Variants in PIP5K1C observed in about 807,000 individuals in gnomAD.
The protein encoded by PIP5K1C is phosphatidylinositol-4-phosphate 5-kinase type 1 gamma.
A neutral mutation model predicts 80.1 loss-of-function variants in PIP5K1C; 45 were observed. The observed-to-expected ratio is 0.56, with a 90% CI of 0.44 to 0.72. PIP5K1C has a LOEUF of 0.72. PIP5K1C is among the 30% of genes least tolerant of loss of function. The probability of loss-of-function intolerance (pLI) is 0.00; values close to 1 mark genes in which losing one functional copy is unlikely to be tolerated. For missense variants in PIP5K1C, 753 were observed against 954.6 expected (o/e 0.79, Z 2.78); for synonymous variants, 498 against 420.1 (o/e 1.19, Z -2.27).
chr19:3,674,303 T>A (rs988145662), intron 1 of PIP5K1C: 3 of 152,270 alleles, frequency 2.0e-5, no homozygotes, highest in Admixed American at 2.0e-4. Flanking sequence ...GAAGCTTCTG[T>A]CTGGGGGTGG....
intron 6 of PIP5K1C, among the ~76,000 whole-genome samples, chr19:3,654,122 C>T (rs1189537829): frequency 6.6e-6 from 1 of 152,218 alleles, no homozygotes; most frequent in Admixed American, 6.5e-5. Flanking sequence ...CCACCTCAGC[C>T]TCCGAAAGTG....
At chr19:3,677,774 G>C (rs952297206) in intron 1 of PIP5K1C, among the ~76,000 whole-genome samples, 1 of 103,094 alleles carries the variant, frequency 9.7e-6, no homozygotes, top group African/African-American at 4.1e-5. Flanking sequence ...ATGGAGGATG[G>C]AGGGATGGAG....
At chr19:3,652,826 G>A (rs1240917743) in intron 7 of PIP5K1C, among the ~76,000 whole-genome samples, 1 of 152,126 alleles carries the variant, frequency 6.6e-6, no homozygotes, top group African/African-American at 2.4e-5. Flanking sequence ...GGGAGCTCTG[G>A]GCTTGTGACC....
intron 1 of PIP5K1C, among the ~76,000 whole-genome samples, chr19:3,695,943 C>G (rs527313809): frequency 2.6e-4 from 40 of 152,152 alleles, no homozygotes; most frequent in African/African-American, 7.5e-4. Flanking sequence ...TTGCTCCAGG[C>G]TGGTCTCAAA....
chr19:3,648,692 CG>C lies in PIP5K1C; in HGVS notation c.1143del (p.Ala382LeufsTer2). ...AGCCGCTCCCCGCGGCCGTTCACAG[CG>C]GGGATCCCGCCCATCCTGGGGAGAG... ...IESDDTMGGI[P>X]AVNGRGERLL... On this transcript the variant is annotated frameshift_variant, in exon 9 of 18. Transcript: ENST00000335312. LOFTEE classifies it high-confidence loss of function. The surrounding 1 kb of genome is among the most constrained non-coding windows in gnomAD (Gnocchi z 4.3). 6.2e-7 allele frequency: 1 copy of C among 1,612,966 alleles called. No homozygotes were observed. The highest frequency in any genetic ancestry group is 8.5e-7 in the Non-Finnish European group (1 of 1,179,848).
At chr19:3,691,757 AG>A (rs1256554288) in intron 1 of PIP5K1C, among the ~76,000 whole-genome samples, 4 of 152,298 alleles carry the variant, frequency 2.6e-5, no homozygotes, top group African/African-American at 9.6e-5. Context: ...AGAAGCATAG[AG>A]CCTTTACTGC....
intron 1 of PIP5K1C, among the ~76,000 whole-genome samples, chr19:3,676,744 C>G (rs2035371641): frequency 6.6e-6 from 1 of 152,182 alleles, no homozygotes; most frequent in Admixed American, 6.5e-5. Context: ...CGAAATTCAA[C>G]ATGAATTTCA....
Position 3,664,901 on chromosome 19 carries a change from G to C in PIP5K1C, c.140C>G (p.Thr47Arg). ...CCCATGGCCAGGGCCCGGCTGTGCC[G>C]TCATGGACAGAACCTGGGAAGAGGA... ...KAAPTEVLSMTAQPGPGHGKK... is the reference protein window; with the variant it reads ...KAAPTEVLSMRAQPGPGHGKK... The change falls in exon 3 of 18, where the codon ACG becomes AGG. Residue 47 changes from threonine (T) to arginine (R), a missense_variant. By Grantham distance (71) the Thr-to-Arg change is moderately conservative. Transcript: ENST00000335312. 1 of 1,612,884 alleles carries C rather than the reference G, an allele frequency of 6.2e-7. No homozygotes were observed. The highest frequency in any genetic ancestry group is 8.5e-7 in the Non-Finnish European group (1 of 1,179,734).
intron 11 of PIP5K1C, 23 bp from the exon 12 acceptor site, chr19:3,644,274 G>A (rs771063867): frequency 6.2e-7 from 1 of 1,607,156 alleles, no homozygotes; most frequent in South Asian, 1.1e-5. Flanking sequence ...GTGGGGGTTG[G>A]TGCTTGGGGT....
rs764142648 is a variant in PIP5K1C, at chr19:3,661,859, G to T, written c.350+12C>A. 11 of 1,610,744 alleles carry T rather than the reference G, an allele frequency of 6.8e-6. No individual in the cohort carries two copies. The highest frequency in any genetic ancestry group is 9.3e-6 in the Non-Finnish European group (11 of 1,179,928). On this transcript the variant is annotated intron_variant, in intron 4 of 17. Coordinates refer to ENST00000335312, the MANE Select transcript of PIP5K1C (RefSeq NM_012398.3). The stretch of plus-strand genomic sequence containing the variant: ...GCTGGGTGAGCCCTGAGGCTCCGGG[G>T]GCCCGGCCCACCTGGGGAAGAAGAT...
intron 5 of PIP5K1C, among the ~76,000 whole-genome samples, chr19:3,657,926 G>C (rs942920552): frequency 6.6e-6 from 1 of 152,106 alleles, no homozygotes; most frequent in African/African-American, 2.4e-5. Flanking sequence ...CAGAGCAAGA[G>C]TGTTTAAAAA....
intron 1 of PIP5K1C, among the ~76,000 whole-genome samples, chr19:3,678,410 A>G (rs1318055593): frequency 1.9e-4 from 20 of 107,038 alleles, no homozygotes; most frequent in Non-Finnish European, 1.3e-4. Flanking sequence ...ATAGAGATGG[A>G]GTGATGAAGG....
rs541871652 is a variant in PIP5K1C at position 3,681,886 on chromosome 19, G to A, written c.95-14533C>T. Among the ~76,000 whole-genome samples, 44 of 152,152 alleles carry A rather than the reference G, an allele frequency of 2.9e-4. No homozygotes were observed. In the South Asian group the frequency reaches 3.9e-3, roughly 14 times the overall value. On this transcript the variant is annotated intron_variant, in intron 1 of 17. Transcript: ENST00000335312. ...TAGCCAAACGAGCCCTGGGGCCTGC[G>A]TTTGGTCCTCTGGCCCCTCAGGCCC...
At chr19:3,638,575 A>G (rs1369177411) in intron 16 of PIP5K1C, among the ~76,000 whole-genome samples, 2 of 152,194 alleles carry the variant, frequency 1.3e-5, no homozygotes, top group Non-Finnish European at 2.9e-5. Context: ...GGTGGCACAG[A>G]AGGTGCCGTG....
At position 3,631,215 on chromosome 19, in the gene PIP5K1C, C is replaced by A. The variant is rs2033459873; in HGVS notation, c.*1952G>T. 3.3e-5 allele frequency: 5 copies of A among 152,476 alleles called. 1 individual carries two copies. The South Asian group carries it at 1.0e-3, about 32-fold the overall frequency. The allele number at this position is 152,476 out of a possible 1,614,324, so 9.4% of individuals were successfully genotyped here. A position where few individuals can be genotyped will look rare whatever the true frequency, so the allele number is the denominator to read the frequency against. On this transcript the variant is annotated 3_prime_UTR_variant, in exon 18 of 18. Transcript: ENST00000335312. The stretch of plus-strand genomic sequence containing the variant: ...ACACCTGCTGCTCCGAGTCACCCCA[C>A]AGGCTCTTGGCGTCTCTGGTGCCAG...
intron 13 of PIP5K1C, 149 bp from the exon 14 acceptor site, chr19:3,643,088 CG>C (rs1894489646): frequency 1.4e-6 from 2 of 1,456,872 alleles, no homozygotes; most frequent in Admixed American, 3.6e-5. Flanking sequence ...TTGGATGCTC[CG>C]CCCCCGCGCA....
rs754747586 is a variant in PIP5K1C, at chr19:3,643,374, G to T, written c.1518C>A (p.Pro506=). ...SYPTLEDEGR[P]DLLPCTPPSF... ...AAGGTGGCGTGCAGGGCAGGAGGTC[G>T]GGCCGGCCTGAGGGGAGAGGACTGT... Residue 506 remains proline, a synonymous_variant, in exon 13 of 18, where the codon CCC becomes CCA. Coordinates refer to ENST00000335312, the MANE Select transcript of PIP5K1C (RefSeq NM_012398.3). The T allele has an allele frequency of 1.9e-6, 3 of 1,613,478 alleles. No individual in the cohort carries two copies. Among genetic ancestry groups the T allele is most frequent in the Non-Finnish European group, 2.5e-6 (3 of 1,179,900 alleles).
chr19:3,651,055 G>GT (rs60438258), intron 8 of PIP5K1C, among the ~76,000 whole-genome samples: 2,136 of 127,248 alleles, frequency 0.017, 90 homozygotes, highest in African/African-American at 0.047. Context: ...CGCGCCCAGC[G>GT]TTTTTTTTTT....
Position 3,696,707 on chromosome 19 carries a change from CGGGAGGGCA to C in PIP5K1C, c.94+3581_94+3589del, listed in dbSNP as rs1323036778. Among the ~76,000 whole-genome samples the C allele has an allele frequency of 9.5e-6, 1 of 105,712 alleles. No individual in the cohort carries two copies. The highest frequency in any genetic ancestry group is 3.1e-4 in the South Asian group (1 of 3,200). The allele number at this position is 105,712 out of a possible 152,430, so 69.4% of individuals were successfully genotyped here. On this transcript the variant is annotated intron_variant, in intron 1 of 17. Transcript: ENST00000335312. The surrounding 1 kb of genome is among the most constrained non-coding windows in gnomAD (Gnocchi z 4.1). ...CCATGGGCCTACAGCAGAGTGCAGACGGGAGGGCAGGGAGGGCAGAGTGCGGAGGGGAGG... is the reference window on the plus strand; with the variant it reads ...CCATGGGCCTACAGCAGAGTGCAGACGGGAGGGCAGAGTGCGGAGGGGAGG...
Sources: gnomAD v4.1 joint callset for allele counts (sites outside exome capture counted in the v4.1 genomes callset) on GRCh38, gnomAD v4.1.1 for gene constraint, Gnocchi (gnomAD v3.1) non-coding constraint, MANE v1.5 for transcripts, NCBI Gene and HGNC (gene_info 2026-07-23, HGNC 2026-07-21) for gene names.